The following CTSD variants were observed in gnomAD, a reference collection of about 807,000 sequenced individuals.
The protein encoded by CTSD is cathepsin D.
A neutral mutation model predicts 43.6 loss-of-function variants in CTSD; 28 were observed. The observed-to-expected ratio is 0.64, with a 90% CI of 0.48 to 0.88. CTSD has a LOEUF of 0.88. CTSD is among the 40% of genes least tolerant of loss of function. CTSD has a pLI of 0.00. For synonymous variants in CTSD, 270 were observed against 249.8 expected (o/e 1.08, Z -0.76); for missense variants, 485 against 555.2 (o/e 0.87, Z 1.27).
rs747274524 is a variant in CTSD, at chr11:1,761,448, G to A, written c.89C>T (p.Thr30Met). ...CTCCGACATGGTCCGGCGGATGGAC[G>A]TGAACTTGTGCAGCGGGATCCTGTC... ...ALVRIPLHKF[T>M]SIRRTMSEVG... Residue 30 changes from threonine (T) to methionine (M), a missense_variant, in exon 2 of 9, where the codon ACG (threonine) becomes ATG (methionine). Physicochemically the swap from Thr to Met is moderately conservative, Grantham distance 81 (BLOSUM62 -1). Coordinates refer to ENST00000236671, the MANE Select transcript of CTSD (RefSeq NM_001909.5). 23 of 1,613,742 alleles carry A rather than the reference G, an allele frequency of 1.4e-5. No homozygotes were observed. The highest frequency in any genetic ancestry group is 1.6e-5 in the Non-Finnish European group (19 of 1,180,014).
At chr11:1,755,120 G>A in intron 5 of CTSD, 92 bp from the exon 6 acceptor site, 7 of 1,484,392 alleles carry the variant, frequency 4.7e-6, no homozygotes, top group Non-Finnish European at 6.5e-6. Flanking sequence ...GGCAATCAGG[G>A]AGAGCTTCCT....
intron 5 of CTSD, among the ~76,000 whole-genome samples, chr11:1,756,082 T>C (rs530459555): frequency 6.6e-6 from 1 of 150,646 alleles, no homozygotes; most frequent in Admixed American, 6.6e-5. Context: ...TGCCTGTGTA[T>C]GCCTCCCCCG....
chr11:1,755,117 A>G (rs558322336), intron 5 of CTSD, 89 bp from the exon 6 acceptor site: 61 of 1,510,968 alleles, frequency 4.0e-5, no homozygotes, highest in Non-Finnish European at 5.5e-5. Flanking sequence ...TGTGGCAATC[A>G]GGGAGAGCTT....
Position 1,753,463 on chromosome 11 carries a change from TCTC to T in CTSD, c.*37_*39del. ...GGCCAGGGGCCTCCTGCTCTGGGAC[TCTC>T]CTCTGTTTCTGTGCTGGCGCGCGGA... is the stretch of plus-strand genomic sequence containing the variant. On this transcript the variant is annotated 3_prime_UTR_variant, in exon 9 of 9. Transcript: ENST00000236671. 1.2e-6 allele frequency: 2 copies of T among 1,611,664 alleles called. No homozygotes were observed. Among genetic ancestry groups the T allele is most frequent in the Non-Finnish European group, 1.7e-6 (2 of 1,178,890 alleles).
At position 1,754,054 on chromosome 11, in the gene CTSD, C is replaced by T. The variant is rs140238987; in HGVS notation, c.912G>A (p.Pro304=). The change falls in exon 7 of 9, where the codon CCG becomes CCA. Residue 304 remains proline, a synonymous_variant. Coordinates refer to ENST00000236671, the MANE Select transcript of CTSD (RefSeq NM_001909.5). ...TCTGCAGCTCGCGCACCTCATCCAC[C>T]GGGCCCACCATGAGGGAAGTGCCTG... The part of the protein sequence containing the change: ...VDTGTSLMVG[P]VDEVRELQKA... The T allele has an allele frequency of 2.9e-3, 4,676 of 1,611,174 alleles. 10 individuals are homozygous for T. Among genetic ancestry groups the T allele is most frequent in the Admixed American group, 3.6e-3 (214 of 59,926 alleles).
chr11:1,757,338 G>A lies in CTSD; in HGVS notation c.690C>T (p.Ser230=). ...QQKLVDQNIF[S]FYLSRDPDAQ... ...CACACGCCCACCTGCTCAGGTAGAA[G>A]GAGAAGATGTTCTGGTCCACCAGCT... Residue 230 remains serine (S), a synonymous_variant, in exon 5 of 9, where the codon TCC becomes TCT. Coordinates refer to ENST00000236671, the MANE Select transcript of CTSD (RefSeq NM_001909.5). 1.2e-6 allele frequency: 2 copies of A among 1,613,884 alleles called. No homozygotes were observed. The highest frequency in any genetic ancestry group is 1.1e-5 in the South Asian group (1 of 91,070).
At position 1,757,476 on chromosome 11, in the gene CTSD, C is replaced by T. The variant is rs765849046; in HGVS notation, c.552G>A (p.Lys184=). The T allele has an allele frequency of 2.5e-6, 4 of 1,613,870 alleles. No homozygotes were observed. In the Admixed American group the frequency reaches 6.7e-5, roughly 27 times the overall value. ...CTGCGATGAAGGTGATGCCTGGCTG[C>T]TTGGTGGCCTCCCCAAAGACCTGCC... ...VERQVFGEAT[K]QPGITFIAAK... The change falls in exon 5 of 9, where the codon AAG becomes AAA. Residue 184 remains lysine (K), a synonymous_variant. Transcript: ENST00000236671.
In CTSD at chr11:1,758,999, G is replaced by C; in HGVS notation, c.441C>G (p.Leu147=). The change falls in exon 4 of 9, where the codon CTC becomes CTG. Residue 147 remains leucine, a synonymous_variant. Coordinates refer to ENST00000236671, the MANE Select transcript of CTSD (RefSeq NM_001909.5). ...CAGTGTCCTGGCTCAGGTACCCGGA[G>C]AGGCTGCCCGAGCCATAGTGGATGT... ...SFDIHYGSGS[L]SGYLSQDTVS... 2 of 1,613,656 alleles carry C rather than the reference G, an allele frequency of 1.2e-6. No individual in the cohort carries two copies. The highest frequency in any genetic ancestry group is 8.5e-7 in the Non-Finnish European group (1 of 1,179,574).
intron 2 of CTSD, among the ~76,000 whole-genome samples, chr11:1,760,021 CT>C (rs1235103801): frequency 6.6e-6 from 1 of 152,210 alleles, no homozygotes; most frequent in African/African-American, 2.4e-5. Context: ...GAAGACTCCC[CT>C]GGTGGCCCGC....
In CTSD at chr11:1,752,982, C is replaced by T. The variant is rs1006746649; in HGVS notation, c.*521G>A. The T allele has an allele frequency of 1.8e-5, 4 of 220,770 alleles. No individual in the cohort carries two copies. Among genetic ancestry groups the T allele is most frequent in the Non-Finnish European group, 2.8e-5 (3 of 108,236 alleles). The allele number at this position is 220,770 out of a possible 1,614,324, so 13.7% of individuals were successfully genotyped here. A position where few individuals can be genotyped will look rare whatever the true frequency, so the allele number is the denominator to read the frequency against. On this transcript the variant is annotated 3_prime_UTR_variant, in exon 9 of 9. Coordinates refer to ENST00000236671, the MANE Select transcript of CTSD (RefSeq NM_001909.5). ...CCTCTCACTCCTTCCAGCTCATCCT[C>T]AGGCCTCTAGCGGCCTCATCCTCAA...
At chr11:1,755,187 G>A (rs1356971083) in intron 5 of CTSD, 159 bp from the exon 6 acceptor site, 4 of 845,928 alleles carry the variant, frequency 4.7e-6, no homozygotes, top group Non-Finnish European at 7.8e-6. Flanking sequence ...GCAGGAGGAG[G>A]GACAGACTCC....
Position 1,754,146 on chromosome 11 carries a change from G to T in CTSD, c.828-8C>A. The T allele has an allele frequency of 6.2e-7, 1 of 1,607,038 alleles. No homozygotes were observed. ...CCGCTGGCCACCTCCACCCTGCGGG[G>T]AGTCAGGGCGTGAAGCCCCTGCCGG... On this transcript the variant is annotated splice_polypyrimidine_tract_variant and splice_region_variant and intron_variant, in intron 6 of 8. Transcript: ENST00000236671.
At chr11:1,755,400 A>G (rs528712807) in intron 5 of CTSD, 6 of 353,066 alleles carry the variant, frequency 1.7e-5, no homozygotes, top group East Asian at 1.4e-4. Context: ...AAAACCAAAG[A>G]AGGCTTCCAG....
intron 2 of CTSD, 180 bp downstream of exon 2, chr11:1,761,129 A>G: frequency 1.5e-6 from 1 of 677,272 alleles, no homozygotes; most frequent in African/African-American, 1.8e-5. Flanking sequence ...GACAGGGGCC[A>G]GTGGCAGGAG....
At chr11:1,755,080 G>A (rs1845794162) in intron 5 of CTSD, 52 bp from the exon 6 acceptor site, 4 of 1,611,430 alleles carry the variant, frequency 2.5e-6, no homozygotes, top group Non-Finnish European at 3.4e-6. Context: ...AAGCACAAGA[G>A]TGCCAGGTCA....
intron 5 of CTSD, among the ~76,000 whole-genome samples, chr11:1,756,145 T>C (rs1352636685): frequency 6.6e-6 from 1 of 150,862 alleles, no homozygotes; most frequent in Admixed American, 6.6e-5. Context: ...TCATGCTGTG[T>C]GCCCCTCCCC....
Position 1,754,080 on chromosome 11 carries a change from T to C in CTSD, c.886A>G (p.Thr296Ala). The change falls in exon 7 of 9, where the codon ACA (threonine) becomes GCA (alanine). Residue 296 changes from threonine (T) to alanine (A), a missense_variant. By Grantham distance (58) the Thr-to-Ala change is moderately conservative. Transcript: ENST00000236671. ...GGGCCCACCATGAGGGAAGTGCCTG[T>C]GTCCACAATGGCCTCACAGCCCTCC... ...CKEGCEAIVD[T>A]GTSLMVGPVD... 2 of 1,611,676 alleles carry C rather than the reference T, an allele frequency of 1.2e-6. No homozygotes were observed. Among genetic ancestry groups the C allele is most frequent in the Non-Finnish European group, 1.7e-6 (2 of 1,179,750 alleles).
chr11:1,757,745 G>A (rs187416477), intron 4 of CTSD, among the ~76,000 whole-genome samples, 189 bp from the exon 5 acceptor site: 65 of 152,214 alleles, frequency 4.3e-4, no homozygotes, highest in Non-Finnish European at 8.7e-4. Flanking sequence ...GGTATGGCGG[G>A]GCCCTCTTCG....
intron 2 of CTSD, among the ~76,000 whole-genome samples, chr11:1,759,993 G>A (rs1336064636): frequency 1.3e-5 from 2 of 152,236 alleles, no homozygotes; most frequent in Non-Finnish European, 2.9e-5. Flanking sequence ...AGCCCCGGGT[G>A]CAGGAAAGCC....
Sources: allele counts gnomAD v4.1 joint callset (sites outside exome capture counted in the v4.1 genomes callset), GRCh38; gene constraint gnomAD v4.1.1; transcripts MANE v1.5; gene names NCBI Gene and HGNC (gene_info 2026-07-23, HGNC 2026-07-21).